PXDNL: variants seen among roughly 807,000 people sequenced by gnomAD.
The protein encoded by PXDNL is peroxidasin like, also known as probable oxidoreductase PXDNL.
Under a neutral mutation model 150.8 loss-of-function variants are expected in PXDNL, and 145 were observed. The observed-to-expected ratio is 0.96, with a 90% CI of 0.84 to 1.10. The LOEUF (loss-of-function observed/expected upper bound fraction) is 1.10. Ranked by LOEUF, PXDNL falls within the 50% of genes least tolerant of loss-of-function variation. The pLI, the probability that PXDNL is intolerant of heterozygous loss-of-function variation, is 0.00. For missense variants in PXDNL, 2,087 were observed against 1,873.9 expected, an observed-to-expected ratio of 1.11 and a Z score of -2.10; for synonymous variants, 757 against 725.7, an observed-to-expected ratio of 1.04 and a Z score of -0.69.
chr8:51,487,274 T>G (rs531710887), intron 5 of PXDNL, among the ~76,000 whole-genome samples: 2 of 152,192 alleles, frequency 1.3e-5, no homozygotes, highest in South Asian at 4.2e-4. Context: ...GAATGAGCAT[T>G]TTCCTCATAA....
intron 1 of PXDNL, among the ~76,000 whole-genome samples, chr8:51,777,462 T>C (rs999723321): frequency 3.9e-5 from 6 of 152,174 alleles, no homozygotes; most frequent in African/African-American, 1.4e-4. Flanking sequence ...AGATAAAATA[T>C]CAAAATCAGC....
intron 2 of PXDNL, among the ~76,000 whole-genome samples, chr8:51,604,457 C>A (rs1031310188): frequency 1.3e-5 from 2 of 152,110 alleles, no homozygotes; most frequent in Non-Finnish European, 2.9e-5. Context: ...AATGAGAACA[C>A]ATGGACACAG....
At chr8:51,733,629 G>A (rs1294594289) in intron 1 of PXDNL, among the ~76,000 whole-genome samples, 5 of 151,880 alleles carry the variant, frequency 3.3e-5, no homozygotes, top group Non-Finnish European at 5.9e-5. Context: ...CCAACATGGC[G>A]AAACCCTGTC....
intron 8 of PXDNL, among the ~76,000 whole-genome samples, chr8:51,463,836 G>A (rs1366529673): frequency 6.6e-6 from 1 of 152,036 alleles, no homozygotes; most frequent in Non-Finnish European, 1.5e-5. Context: ...ACTTAATCCT[G>A]AATGACTTTT....
At chr8:51,367,983 C>T (rs1806972060) in intron 19 of PXDNL, among the ~76,000 whole-genome samples, 1 of 152,074 alleles carries the variant, frequency 6.6e-6, no homozygotes, top group Admixed American at 6.5e-5. Context: ...CAAAAATTAG[C>T]CAGGTCTGAT....
chr8:51,691,925 T>G (rs1253721056), intron 1 of PXDNL, among the ~76,000 whole-genome samples: 3 of 152,224 alleles, frequency 2.0e-5, no homozygotes. Flanking sequence ...CTAAGCAGTC[T>G]CTTATTAATT....
At chr8:51,427,560 G>T (rs1331642983) in intron 12 of PXDNL, among the ~76,000 whole-genome samples, 3 of 152,128 alleles carry the variant, frequency 2.0e-5, no homozygotes, top group Admixed American at 1.3e-4. Context: ...AGCAAGTAAG[G>T]TTTATTCCCA....
chr8:51,378,159 C>A (rs540221027), intron 17 of PXDNL, among the ~76,000 whole-genome samples: 1 of 152,176 alleles, frequency 6.6e-6, no homozygotes, highest in Non-Finnish European at 1.5e-5. Context: ...TGTAAATACA[C>A]CAATCAGCAC....
intron 4 of PXDNL, among the ~76,000 whole-genome samples, chr8:51,523,725 CTT>C (rs1187338440): frequency 6.6e-6 from 1 of 152,218 alleles, no homozygotes; most frequent in East Asian, 1.9e-4. Flanking sequence ...CATACTTTTA[CTT>C]TAAGGTTGGC....
chr8:51,454,398 C>G (rs891461181), intron 9 of PXDNL, among the ~76,000 whole-genome samples: 1 of 152,216 alleles, frequency 6.6e-6, no homozygotes, highest in African/African-American at 2.4e-5. Context: ...AAAATATGCA[C>G]AGACACAAAC....
Position 51,345,829 on chromosome 8 carries a change from A to C in PXDNL, c.4016+4T>G. On this transcript the variant is annotated splice_donor_region_variant and intron_variant, in intron 20 of 22. Transcript: ENST00000356297. ...CTAAAGAAATGAGATATTTCTATAC[A>C]TACCTACTTCTTAGATGACTTAACT... 1 of 1,551,774 alleles carries C rather than the reference A, an allele frequency of 6.4e-7. No homozygotes were observed. Among genetic ancestry groups the C allele is most frequent in the Non-Finnish European group, 8.9e-7 (1 of 1,123,890 alleles).
At chr8:51,673,851 G>GT (rs563910263) in intron 1 of PXDNL, among the ~76,000 whole-genome samples, 2 of 152,194 alleles carry the variant, frequency 1.3e-5, no homozygotes, top group African/African-American at 2.4e-5. Context: ...CCTTTTATAG[G>GT]TTTTTCATGT....
At chr8:51,755,224 T>C (rs974537171) in intron 1 of PXDNL, among the ~76,000 whole-genome samples, 1 of 152,124 alleles carries the variant, frequency 6.6e-6, no homozygotes, top group African/African-American at 2.4e-5. Flanking sequence ...TTGAGAAGCA[T>C]ACCTTCATAA....
intron 3 of PXDNL, among the ~76,000 whole-genome samples, chr8:51,559,913 T>G (rs1812686071): frequency 6.6e-6 from 1 of 151,952 alleles, no homozygotes; most frequent in African/African-American, 2.4e-5. Context: ...AGATAATCAC[T>G]GTAAGGAAAA....
At chr8:51,339,051 T>C (rs565617112) in intron 21 of PXDNL, among the ~76,000 whole-genome samples, 105 of 152,318 alleles carry the variant, frequency 6.9e-4, no homozygotes, top group Non-Finnish European at 1.2e-3. Flanking sequence ...GCAGAGCCAG[T>C]GCCGACCAAA....
chr8:51,487,877 C>A (rs1417995944), intron 5 of PXDNL, among the ~76,000 whole-genome samples: 1 of 152,134 alleles, frequency 6.6e-6, no homozygotes, highest in South Asian at 2.1e-4. Context: ...CACAAAGGCG[C>A]TTTTGTCAAA....
chr8:51,751,654 T>C (rs1270858689), intron 1 of PXDNL, among the ~76,000 whole-genome samples: 1 of 152,218 alleles, frequency 6.6e-6, no homozygotes, highest in Non-Finnish European at 1.5e-5. Context: ...TGCCATCTGA[T>C]CATGCCCAGA....
At chr8:51,608,895 A>T (rs568531161) in intron 2 of PXDNL, among the ~76,000 whole-genome samples, 120 of 151,892 alleles carry the variant, frequency 7.9e-4, no homozygotes, top group African/African-American at 2.8e-3. Flanking sequence ...AAGGAAAAGC[A>T]TATGTTTTCT....
intron 19 of PXDNL, among the ~76,000 whole-genome samples, chr8:51,370,793 C>T (rs1266475502): frequency 3.9e-5 from 6 of 152,212 alleles, no homozygotes; most frequent in African/African-American, 7.2e-5. Flanking sequence ...GATGGGGTTT[C>T]GCCATGTTGG....
Sources: allele counts gnomAD v4.1 joint callset (sites outside exome capture counted in the v4.1 genomes callset), GRCh38; gene constraint gnomAD v4.1.1; transcripts MANE v1.5; gene names NCBI Gene and HGNC (gene_info 2026-07-23, HGNC 2026-07-21).